The following GABRB1 variants were observed in gnomAD, a reference collection of about 807,000 sequenced individuals.
GABRB1 encodes the protein gamma-aminobutyric acid receptor subunit beta-1.
Under a neutral mutation model 51.6 loss-of-function variants are expected in GABRB1, and 17 were observed. The observed-to-expected ratio is 0.33, with a 90% CI of 0.23 to 0.49. GABRB1 has a LOEUF of 0.49. Among genes scored for constraint, GABRB1 ranks in the 20% least tolerant of loss-of-function variants. The pLI is 0.99. For synonymous variants in GABRB1, 247 were observed against 218.9 expected, an observed-to-expected ratio of 1.13 and a Z score of -1.14; for missense variants, 410 against 600.6, an observed-to-expected ratio of 0.68 and a Z score of 3.32.
intron 5 of GABRB1, among the ~76,000 whole-genome samples, chr4:47,400,403 G>T (rs547919288): frequency 7.2e-5 from 11 of 152,178 alleles, no homozygotes; most frequent in African/African-American, 2.6e-4. Flanking sequence ...TTCCTTATAT[G>T]CATTGTTATT....
At chr4:47,014,273 T>TA (rs1339680355) in intron 1 of GABRB1, among the ~76,000 whole-genome samples, 1 of 152,188 alleles carries the variant, frequency 6.6e-6, no homozygotes, top group Non-Finnish European at 1.5e-5. Context: ...GCTACTAAGG[T>TA]AAAATCTTCC....
chr4:47,376,495 A>C (rs1179999862), intron 5 of GABRB1, among the ~76,000 whole-genome samples: 1 of 152,032 alleles, frequency 6.6e-6, no homozygotes, highest in East Asian at 1.9e-4. Flanking sequence ...AAATACAAAA[A>C]AATTAGCCGG....
Position 47,101,313 on chromosome 4 carries a change from G to T in GABRB1, c.241-59936G>T, listed in dbSNP as rs186330531. Among the ~76,000 whole-genome samples, 8 of 152,086 alleles carry T rather than the reference G, an allele frequency of 5.3e-5. No individual in the cohort carries two copies. The East Asian group carries it at 1.4e-3, about 26-fold the overall frequency. On this transcript the variant is annotated intron_variant, in intron 3 of 8. Transcript: ENST00000295454. Reference sequence around the variant, plus strand: ...AAGTTGGTATGCAAGAATTGAATGTGTCAGACATTAACCTCAAAACAAGGG... The same window carrying T: ...AAGTTGGTATGCAAGAATTGAATGTTTCAGACATTAACCTCAAAACAAGGG...
At chr4:47,123,182 T>C (rs938497354) in intron 3 of GABRB1, among the ~76,000 whole-genome samples, 3 of 150,602 alleles carry the variant, frequency 2.0e-5, no homozygotes, top group South Asian at 4.1e-4. Flanking sequence ...ATACAATTTA[T>C]TCACTACCTA....
Position 47,370,035 on chromosome 4 carries a change from C to T in GABRB1, c.545-33283C>T, listed in dbSNP as rs575198963. ...TATAAAGATGCTTCTCTTCAATTTC[C>T]TAAAGAACTGTCCCAAACCTGATTT... On this transcript the variant is annotated intron_variant, in intron 5 of 8. Coordinates refer to ENST00000295454, the MANE Select transcript of GABRB1 (RefSeq NM_000812.4). Among the ~76,000 whole-genome samples the T allele has an allele frequency of 2.0e-5, 3 of 152,016 alleles. No individual in the cohort carries two copies. The South Asian group carries it at 6.2e-4, about 32-fold the overall frequency.
At position 47,234,092 on chromosome 4, in the gene GABRB1, A is replaced by T. The variant is rs181648532; in HGVS notation, c.461+72623A>T. Among the ~76,000 whole-genome samples, 936 of 152,326 alleles carry T rather than the reference A, an allele frequency of 6.1e-3. 4 individuals are homozygous for T. The highest frequency in any genetic ancestry group is 0.034 in the Middle Eastern group (10 of 294). On this transcript the variant is annotated intron_variant, in intron 4 of 8. Transcript: ENST00000295454. ...TTCCTTGAGGGTGATGAATTATTTT[A>T]AATGAAAACCATGAAGTTGTTTATA...
chr4:47,032,837 T>G, intron 3 of GABRB1: 1 of 451,424 alleles, frequency 2.2e-6, no homozygotes, highest in Non-Finnish European at 4.6e-6. Context: ...CGGCCTGCAC[T>G]AGGGTCCCCG....
At chr4:47,363,385 T>C (rs930969803) in intron 5 of GABRB1, among the ~76,000 whole-genome samples, 20 of 152,054 alleles carry the variant, frequency 1.3e-4, no homozygotes, top group Non-Finnish European at 2.4e-4. Context: ...CCAAATTTTG[T>C]ATGTGTCGGT....
intron 3 of GABRB1, among the ~76,000 whole-genome samples, chr4:47,138,570 C>G (rs1716777270): frequency 6.6e-6 from 1 of 152,026 alleles, no homozygotes; most frequent in East Asian, 1.9e-4. Context: ...TGAGAGTCTT[C>G]TGCGGATTGT....
At chr4:47,402,956 T>C (rs1044815780) in intron 5 of GABRB1, among the ~76,000 whole-genome samples, 9 of 152,204 alleles carry the variant, frequency 5.9e-5, no homozygotes, top group African/African-American at 2.2e-4. Context: ...TGTTGTGCTA[T>C]TGTTGTTGTT....
At chr4:47,042,414 GTATATATATA>G (rs764850015) in intron 3 of GABRB1, among the ~76,000 whole-genome samples, 2 of 47,038 alleles carry the variant, frequency 4.3e-5, no homozygotes, top group Non-Finnish European at 1.1e-4. Context: ...TATGTGTACA[GTATATATATA>G]TATATATATA....
At chr4:47,299,651 A>G (rs1724165178) in intron 4 of GABRB1, among the ~76,000 whole-genome samples, 1 of 152,058 alleles carries the variant, frequency 6.6e-6, no homozygotes, top group African/African-American at 2.4e-5. Flanking sequence ...GGGACTGTAA[A>G]CTAGTTCAAC....
At chr4:47,095,417 C>A (rs980814536) in intron 3 of GABRB1, among the ~76,000 whole-genome samples, 4 of 152,098 alleles carry the variant, frequency 2.6e-5, no homozygotes, top group African/African-American at 9.7e-5. Flanking sequence ...AAAGTACTGT[C>A]CCTGGCAAAT....
At chr4:47,097,309 T>G (rs1714492017) in intron 3 of GABRB1, among the ~76,000 whole-genome samples, 1 of 152,180 alleles carries the variant, frequency 6.6e-6, no homozygotes. Context: ...GGCATGCTTC[T>G]GCTGTAGGAC....
chr4:47,001,335 G>A (rs1241851037), intron 1 of GABRB1, among the ~76,000 whole-genome samples: 1 of 151,870 alleles, frequency 6.6e-6, no homozygotes, highest in Non-Finnish European at 1.5e-5. Flanking sequence ...GTAGAGATGT[G>A]GTTTCACCGT....
intron 4 of GABRB1, among the ~76,000 whole-genome samples, chr4:47,192,646 T>C (rs1719485424): frequency 6.6e-6 from 1 of 152,158 alleles, no homozygotes; most frequent in Non-Finnish European, 1.5e-5. Context: ...CTTTGGAATG[T>C]GAGATTTTGC....
At chr4:47,083,947 T>C (rs1001982722) in intron 3 of GABRB1, among the ~76,000 whole-genome samples, 2 of 151,906 alleles carry the variant, frequency 1.3e-5, no homozygotes, top group Admixed American at 6.6e-5. Flanking sequence ...CAGTCTTCTA[T>C]CCCCTGGGAT....
intron 4 of GABRB1, among the ~76,000 whole-genome samples, chr4:47,238,602 G>A (rs561558704): frequency 6.6e-6 from 1 of 152,234 alleles, no homozygotes; most frequent in Admixed American, 6.5e-5. Context: ...CATGTGAATA[G>A]CTCCACTGCA....
intron 1 of GABRB1, among the ~76,000 whole-genome samples, chr4:47,004,540 A>C (rs888652932): frequency 6.6e-6 from 1 of 152,294 alleles, no homozygotes; most frequent in East Asian, 1.9e-4. Flanking sequence ...AAAAAAAAGA[A>C]TAGGTTCCCT....
Sources: allele counts gnomAD v4.1 joint callset (sites outside exome capture counted in the v4.1 genomes callset), GRCh38; gene constraint gnomAD v4.1.1; transcripts MANE v1.5; gene names NCBI Gene and HGNC (gene_info 2026-07-23, HGNC 2026-07-21).